IMPA1: variants seen among roughly 807,000 people sequenced by gnomAD.
The protein encoded by IMPA1 is D-galactose 1-phosphate phosphatase.
In IMPA1, 21 loss-of-function variants were observed where a neutral mutation model predicts 34.9. The observed-to-expected ratio is 0.60, with a 90% CI of 0.43 to 0.87. The LOEUF is 0.87. Ranked by LOEUF, IMPA1 falls within the 40% of genes least tolerant of loss-of-function variation. The pLI is 0.00. For synonymous variants in IMPA1, 95 were observed against 104.4 expected (o/e 0.91, Z 0.55); for missense variants, 299 against 336.4 (o/e 0.89, Z 0.87).
At chr8:81,671,860 G>A (rs895289728) in intron 6 of IMPA1, among the ~76,000 whole-genome samples, 5 of 152,158 alleles carry the variant, frequency 3.3e-5, no homozygotes, top group African/African-American at 4.8e-5. Context: ...TCACGCCACT[G>A]CACTCCAGCC....
At chr8:81,671,274 T>G (rs1299732107) in intron 6 of IMPA1, among the ~76,000 whole-genome samples, 3 of 152,098 alleles carry the variant, frequency 2.0e-5, no homozygotes, top group Non-Finnish European at 4.4e-5. Flanking sequence ...TGTAACCAAT[T>G]TGCCTGCATA....
Position 81,657,344 on chromosome 8 carries a change from T to C in IMPA1, c.*2007A>G, listed in dbSNP as rs372705878. 2.6e-5 allele frequency among the ~76,000 whole-genome samples: 4 copies of C among 152,266 alleles called. No homozygotes were observed. The East Asian group carries it at 5.8e-4, about 22-fold the overall frequency. ...GCTCACATCTGTAATCCCAGCACTTTAGAAGGCTGAGGCAGGAGGATCACT... is the reference window on the plus strand; with the variant it reads ...GCTCACATCTGTAATCCCAGCACTTCAGAAGGCTGAGGCAGGAGGATCACT... On this transcript the variant is annotated 3_prime_UTR_variant, in exon 9 of 9. Transcript: ENST00000256108.
intron 8 of IMPA1, 124 bp downstream of exon 8, chr8:81,660,392 T>C: frequency 1.4e-6 from 1 of 737,198 alleles, no homozygotes; most frequent in Non-Finnish European, 2.3e-6. Context: ...TTGCACACAA[T>C]TATATAGCTT....
intron 1 of IMPA1, among the ~76,000 whole-genome samples, chr8:81,684,812 G>GTATATATACTATACATAGTATCTATGTGT (rs1563592817): frequency 7.3e-6 from 1 of 137,718 alleles, no homozygotes; most frequent in African/African-American, 2.7e-5. Flanking sequence ...ATACTATGTG[G>GTATATATACTATACATAGTATCTATGTGT]AGTATATATA....
At chr8:81,674,984 A>T (rs1386791085) in intron 5 of IMPA1, among the ~76,000 whole-genome samples, 1 of 152,016 alleles carries the variant, frequency 6.6e-6, no homozygotes, top group Non-Finnish European at 1.5e-5. Context: ...GTTCACCCAC[A>T]CCCCAGTATA....
At chr8:81,679,710 T>TTTAATTTA (rs1163179255) in intron 3 of IMPA1, among the ~76,000 whole-genome samples, 2 of 152,304 alleles carry the variant, frequency 1.3e-5, no homozygotes, top group East Asian at 3.9e-4. Context: ...GTAAGGAAGC[T>TTTAATTTA]TTAATTTATT....
intron 1 of IMPA1, among the ~76,000 whole-genome samples, chr8:81,683,020 C>A (rs1807346061): frequency 6.6e-6 from 1 of 152,180 alleles, no homozygotes; most frequent in South Asian, 2.1e-4. Context: ...CAATGAGAAG[C>A]ATCTAACAGG....
intron 1 of IMPA1, among the ~76,000 whole-genome samples, chr8:81,681,934 G>A (rs565449939): frequency 2.0e-5 from 3 of 152,016 alleles, no homozygotes; most frequent in Non-Finnish European, 4.4e-5. Flanking sequence ...CAGTGAAAAC[G>A]AGAAAGAACA....
chr8:81,681,866 G>C (rs1807309608), intron 1 of IMPA1, among the ~76,000 whole-genome samples: 1 of 152,078 alleles, frequency 6.6e-6, no homozygotes, highest in Non-Finnish European at 1.5e-5. Context: ...TTGGAGAATA[G>C]ATAAGAAACA....
At chr8:81,664,858 A>C (rs1585890214) in intron 7 of IMPA1, among the ~76,000 whole-genome samples, 1 of 152,054 alleles carries the variant, frequency 6.6e-6, no homozygotes, top group East Asian at 1.9e-4. Context: ...CCTAAAACTT[A>C]AAGTATAATA....
rs1806576664 is a variant in IMPA1, at chr8:81,658,394, A to C, written c.*957T>G. ...AAATAAGAAGACTAAGAGAAAAATA[A>C]ACAGTTCAATATTAACAATACAGTA... On this transcript the variant is annotated 3_prime_UTR_variant, in exon 9 of 9. Transcript: ENST00000256108. 1 of 152,270 alleles carries C rather than the reference A, an allele frequency of 6.6e-6. No homozygotes were observed. The highest frequency in any genetic ancestry group is 2.4e-5 in the African/African-American group (1 of 41,474). The allele number at this position is 152,270 out of a possible 1,614,324, so 9.4% of individuals were successfully genotyped here. A position where few individuals can be genotyped will look rare whatever the true frequency, so the allele number is the denominator to read the frequency against.
chr8:81,679,390 G>A lies in IMPA1; in HGVS notation c.198-160C>T, dbSNP rs149013718. 5.8e-3 allele frequency among the ~76,000 whole-genome samples: 886 copies of A among 152,182 alleles called. 11 individuals carry two copies. Among genetic ancestry groups the A allele is most frequent in the African/African-American group, 0.02 (839 of 41,512 alleles). ...GCACTTTGGGAGGCCAGGGAGGGCG[G>A]ATCACCTGAGTCAGGAGTTCAAGAC... On this transcript the variant is annotated intron_variant, in intron 3 of 8. Transcript: ENST00000256108.
intron 4 of IMPA1, among the ~76,000 whole-genome samples, chr8:81,676,888 G>C (rs533357410): frequency 6.6e-5 from 10 of 152,060 alleles, no homozygotes; most frequent in African/African-American, 2.4e-4. Flanking sequence ...AGCTTCCCCG[G>C]TAGGCTGAGG....
rs1425453850 is a variant in IMPA1 at position 81,659,043 on chromosome 8, G to C, written c.*308C>G. Reference sequence around the variant, plus strand: ...TATATACTAAGTCAAAATTTCAGGGGACCATAGATATTTAGAAACACAAAA... The same window carrying C: ...TATATACTAAGTCAAAATTTCAGGGCACCATAGATATTTAGAAACACAAAA... On this transcript the variant is annotated 3_prime_UTR_variant, in exon 9 of 9. Transcript: ENST00000256108. 1 of 336,384 alleles carries C rather than the reference G, an allele frequency of 3.0e-6. No individual in the cohort carries two copies. Among genetic ancestry groups the C allele is most frequent in the African/African-American group, 2.2e-5 (1 of 45,338 alleles). 20.8% of individuals were successfully genotyped at this position (336,384 alleles called of 1,614,324 possible).
intron 4 of IMPA1, among the ~76,000 whole-genome samples, chr8:81,677,898 G>A (rs982454638): frequency 6.6e-6 from 1 of 152,128 alleles, no homozygotes; most frequent in African/African-American, 2.4e-5. Flanking sequence ...CCCACCAGAA[G>A]CGGCTACTGA....
intron 7 of IMPA1, among the ~76,000 whole-genome samples, chr8:81,669,866 G>A (rs1806938868): frequency 6.6e-6 from 1 of 152,242 alleles, no homozygotes; most frequent in Admixed American, 6.5e-5. Context: ...ATGCCCTCAT[G>A]AATGGATTAA....
chr8:81,660,668 C>A lies in IMPA1; in HGVS notation c.567-1G>T. 6.3e-7 allele frequency: 1 copy of A among 1,593,940 alleles called. No homozygotes were observed. Among genetic ancestry groups the A allele is most frequent in the South Asian group, 1.1e-5 (1 of 88,274 alleles). On this transcript the variant is annotated splice_acceptor_variant, in intron 7 of 8. Transcript: ENST00000256108. LOFTEE classifies it high-confidence loss of function. ...AGCTGCTGTTCCAACACTCCGGATC[C>A]TAACAAATAGAATTTAGAAATAAAA...
Position 81,667,414 on chromosome 8 carries a change from T to C in IMPA1, c.566+3525A>G, listed in dbSNP as rs571258377. Among the ~76,000 whole-genome samples, 8 of 152,146 alleles carry C rather than the reference T, an allele frequency of 5.3e-5. No homozygotes were observed. The East Asian group carries it at 1.2e-3, about 22-fold the overall frequency. On this transcript the variant is annotated intron_variant, in intron 7 of 8. Coordinates refer to ENST00000256108, the MANE Select transcript of IMPA1 (RefSeq NM_005536.4). ...TTAATCCCCAATGTGGCAGTACTGG[T>C]GTGGGGTCCTTTTAAGAGGTATTAG...
At chr8:81,681,733 A>C (rs1207996337) in intron 1 of IMPA1, 149 bp from the exon 2 acceptor site, 2 of 563,820 alleles carry the variant, frequency 3.5e-6, no homozygotes, top group Non-Finnish European at 6.3e-6. Context: ...CCCAGTAAAA[A>C]ACATTTCTCA....
Sources: gnomAD v4.1 joint callset for allele counts (sites outside exome capture counted in the v4.1 genomes callset) on GRCh38, gnomAD v4.1.1 for gene constraint, MANE v1.5 for transcripts, NCBI Gene and HGNC (gene_info 2026-07-23, HGNC 2026-07-21) for gene names.